ZBTB38: variants seen among roughly 807,000 people sequenced by gnomAD.
ZBTB38 encodes zinc finger and BTB domain-containing protein 38.
Under a neutral mutation model 76.8 loss-of-function variants are expected in ZBTB38, and 20 were observed. The ratio of observed to expected loss-of-function variants is 0.26; its 90% CI spans 0.18 to 0.38. The LOEUF (loss-of-function observed/expected upper bound fraction) is 0.38, where lower values mean the gene tolerates loss of function less well. ZBTB38 is among the 10% of genes least tolerant of loss of function. The probability of loss-of-function intolerance (pLI) is 1.00; values close to 1 mark genes in which losing one functional copy is unlikely to be tolerated. For missense variants in ZBTB38, 1,082 were observed against 1,482.3 expected (o/e 0.73, Z 4.43); for synonymous variants, 504 against 544.2 (o/e 0.93, Z 1.03).
chr3:141,444,562 C>T lies in ZBTB38; in HGVS notation c.2174C>T (p.Ser725Leu), dbSNP rs2080832705. ...SVIVHSSQFS[S>L]VIMHSNAIAA... is the part of the protein sequence containing the mutation. ...ATTGTACACAGCAGCCAGTTTTCAT[C>T]GGTGATCATGCACAGCAATGCCATT... The change falls in exon 6 of 6, where the codon TCG (serine) becomes TTG (leucine). Residue 725 changes from serine to leucine, a missense_variant. Physicochemically the swap from Ser to Leu is moderately radical, Grantham distance 145. Coordinates refer to ENST00000321464, the MANE Select transcript of ZBTB38 (RefSeq NM_001376113.1). The surrounding 1 kb of genome is among the most constrained non-coding windows in gnomAD (Gnocchi z 5.1). 6.2e-7 allele frequency: 1 copy of T among 1,614,176 alleles called. No individual in the cohort carries two copies. The highest frequency in any genetic ancestry group is 2.2e-5 in the East Asian group (1 of 44,886).
intron 1 of ZBTB38, among the ~76,000 whole-genome samples, chr3:141,343,824 G>C (rs1297383485): frequency 6.6e-6 from 1 of 152,158 alleles, no homozygotes; most frequent in Non-Finnish European, 1.5e-5. Flanking sequence ...TCAGATTCGT[G>C]TTGTTTTCTC....
intron 3 of ZBTB38, chr3:141,383,667 A>C (rs544417149): frequency 6.6e-6 from 1 of 152,314 alleles, no homozygotes; most frequent in East Asian, 1.9e-4. Flanking sequence ...CAGGACTGCA[A>C]AGAAAATTAG....
chr3:141,398,827 A>T (rs528272641), intron 4 of ZBTB38, among the ~76,000 whole-genome samples: 5 of 152,376 alleles, frequency 3.3e-5, no homozygotes, highest in Admixed American at 1.3e-4. Context: ...ACATCAAAAC[A>T]TCATAGCATT....
chr3:141,403,391 G>A (rs537790003), intron 4 of ZBTB38, among the ~76,000 whole-genome samples: 2 of 152,298 alleles, frequency 1.3e-5, no homozygotes, highest in African/African-American at 4.8e-5. Context: ...TTTCAAGAGT[G>A]GGGGACCCAT....
At chr3:141,401,258 A>T (rs1481152155) in intron 4 of ZBTB38, among the ~76,000 whole-genome samples, 3 of 152,188 alleles carry the variant, frequency 2.0e-5, no homozygotes, top group African/African-American at 7.2e-5. Context: ...TTAGTTGAGT[A>T]GATCTTTCTG....
At chr3:141,397,167 G>T (rs1180240226) in intron 4 of ZBTB38, among the ~76,000 whole-genome samples, 1 of 152,186 alleles carries the variant, frequency 6.6e-6, no homozygotes, top group African/African-American at 2.4e-5. Context: ...AGATCTTCTG[G>T]ATAACTTGCT....
intron 1 of ZBTB38, among the ~76,000 whole-genome samples, chr3:141,331,542 G>GT (rs1942852643): frequency 6.6e-6 from 1 of 151,762 alleles, no homozygotes; most frequent in Non-Finnish European, 1.5e-5. Flanking sequence ...GTTGTTTTTT[G>GT]TTTTTTGTTT....
Position 141,445,725 on chromosome 3 carries a change from G to A in ZBTB38, c.3337G>A (p.Glu1113Lys), listed in dbSNP as rs776319514. The change falls in exon 6 of 6, where the codon GAG (glutamate) becomes AAG (lysine). Residue 1113 changes from glutamate (E) to lysine (K), a missense_variant. Glu to Lys is a moderately conservative substitution (Grantham distance 56). Around this residue, in one of 8 missense-constraint regions of ZBTB38, gnomAD observed 69 missense variants for 148.2 expected, o/e 0.47. Coordinates refer to ENST00000321464, the MANE Select transcript of ZBTB38 (RefSeq NM_001376113.1). The surrounding 1 kb of genome is among the most constrained non-coding windows in gnomAD (Gnocchi z 6.5). The part of the protein sequence containing the change: ...FLYLSTKRNH[E>K]QRHIREHNGK... The stretch of plus-strand genomic sequence containing the variant: ...GTATCTCTCCACCAAAAGGAATCAC[G>A]AGCAGAGGCATATTCGGGAGCATAA... The A allele has an allele frequency of 3.7e-6, 6 of 1,614,142 alleles. No individual in the cohort carries two copies. The highest frequency in any genetic ancestry group is 1.1e-5 in the South Asian group (1 of 91,084).
chr3:141,359,767 C>T (rs1442324766), intron 1 of ZBTB38, among the ~76,000 whole-genome samples: 1 of 151,690 alleles, frequency 6.6e-6, no homozygotes. Flanking sequence ...CTCATCTCTA[C>T]AAAAAGTTAA....
chr3:141,443,662 C>A lies in ZBTB38; in HGVS notation c.1274C>A (p.Pro425Gln). 6.2e-7 allele frequency: 1 copy of A among 1,614,174 alleles called. No individual in the cohort carries two copies. Among genetic ancestry groups the A allele is most frequent in the South Asian group, 1.1e-5 (1 of 91,076 alleles). The part of the protein sequence containing the change: ...IGQNGGSFTG[P>Q]EPLLSENRIG... ...CAAAATGGAGGTTCATTCACAGGTC[C>A]AGAACCTTTATTATCTGAAAATAGG... The change falls in exon 6 of 6, where the codon CCA becomes CAA. Residue 425 changes from proline (P) to glutamine (Q), a missense_variant. Pro to Gln is a moderately conservative substitution (Grantham distance 76, BLOSUM62 -1). Transcript: ENST00000321464. This position sits in a 1 kb window ranked among gnomAD's most constrained non-coding sequence, Gnocchi z 5.6.
chr3:141,401,729 A>G (rs1952027428), intron 4 of ZBTB38, among the ~76,000 whole-genome samples: 1 of 151,896 alleles, frequency 6.6e-6, no homozygotes, highest in African/African-American at 2.4e-5. Flanking sequence ...CCACATGGCC[A>G]GCTTGTGGCA....
At chr3:141,352,005 A>G (rs1943531930) in intron 1 of ZBTB38, among the ~76,000 whole-genome samples, 2 of 152,078 alleles carry the variant, frequency 1.3e-5, no homozygotes, top group South Asian at 4.1e-4. Flanking sequence ...ATTCAGTTCC[A>G]TATTGACTGA....
intron 5 of ZBTB38, among the ~76,000 whole-genome samples, chr3:141,437,335 C>T (rs1443814769): frequency 2.6e-5 from 4 of 152,156 alleles, no homozygotes; most frequent in Non-Finnish European, 1.5e-5. Flanking sequence ...GTACATACCA[C>T]GTCCTTCTGC....
upstream of ZBTB38, among the ~76,000 whole-genome samples, chr3:141,365,641 G>T (rs946351772): frequency 1.3e-5 from 2 of 152,126 alleles, no homozygotes; most frequent in African/African-American, 4.8e-5. Context: ...ACCATATATT[G>T]TATGATTCCA....
intron 1 of ZBTB38, among the ~76,000 whole-genome samples, chr3:141,350,882 G>A (rs553321045): frequency 1.4e-4 from 22 of 152,184 alleles, no homozygotes; most frequent in Middle Eastern, 3.4e-3. Context: ...TACAGCATGC[G>A]CTAGCAATAT....
At chr3:141,401,218 G>C (rs1373900880) in intron 4 of ZBTB38, among the ~76,000 whole-genome samples, 1 of 152,008 alleles carries the variant, frequency 6.6e-6, no homozygotes, top group Non-Finnish European at 1.5e-5. Context: ...TTTTAAGTGG[G>C]AAGATGAATC....
chr3:141,408,103 T>C (rs1337684947), intron 5 of ZBTB38, among the ~76,000 whole-genome samples: 2 of 152,268 alleles, frequency 1.3e-5, no homozygotes, highest in Non-Finnish European at 2.9e-5. Flanking sequence ...ACTACAGTCA[T>C]GCCATTAAAG....
chr3:141,337,115 A>T (rs1943037165), intron 1 of ZBTB38, among the ~76,000 whole-genome samples: 2 of 152,210 alleles, frequency 1.3e-5, no homozygotes, highest in South Asian at 4.2e-4. Context: ...AGTAACTGAC[A>T]TGGTTTCTAC....
At chr3:141,350,518 A>G (rs1278719739) in intron 1 of ZBTB38, among the ~76,000 whole-genome samples, 3 of 152,182 alleles carry the variant, frequency 2.0e-5, no homozygotes, top group Non-Finnish European at 4.4e-5. Context: ...ACCTACTTCA[A>G]TTTGGACGTC....
Sources: allele counts gnomAD v4.1 joint callset (sites outside exome capture counted in the v4.1 genomes callset), GRCh38; gene constraint gnomAD v4.1.1; regional missense constraint gnomAD v4.1.1; non-coding constraint Gnocchi (gnomAD v3.1); transcripts MANE v1.5; gene names NCBI Gene and HGNC (gene_info 2026-07-23, HGNC 2026-07-21).